The following SLC17A8 variants were observed in gnomAD, a reference collection of about 807,000 sequenced individuals.
SLC17A8 encodes the protein vesicular glutamate transporter 3.
SLC17A8 carries 31 observed loss-of-function variants against 58.0 expected under a neutral mutation model. The observed-to-expected ratio is 0.53, with a 90% CI of 0.40 to 0.72. The LOEUF (loss-of-function observed/expected upper bound fraction) is 0.72. Among genes scored for constraint, SLC17A8 ranks in the 30% least tolerant of loss-of-function variants. The pLI is 0.00. For synonymous variants in SLC17A8, 228 were observed against 249.0 expected (o/e 0.92, Z 0.79); for missense variants, 655 against 727.8 (o/e 0.90, Z 1.15).
intron 1 of SLC17A8, among the ~76,000 whole-genome samples, chr12:100,371,989 G>A (rs1952562069): frequency 1.3e-5 from 2 of 152,120 alleles, no homozygotes; most frequent in African/African-American, 4.8e-5. Flanking sequence ...AAACCTCGTG[G>A]AGTCCCTAGA....
intron 1 of SLC17A8, among the ~76,000 whole-genome samples, chr12:100,371,259 G>T (rs1160407731): frequency 6.6e-6 from 1 of 152,136 alleles, no homozygotes; most frequent in Admixed American, 6.5e-5. Flanking sequence ...GGGAACTCAG[G>T]TTGAGGGAAG....
chr12:100,395,563 G>A (rs1952747280), intron 4 of SLC17A8, among the ~76,000 whole-genome samples: 1 of 151,894 alleles, frequency 6.6e-6, no homozygotes, highest in South Asian at 2.1e-4. Flanking sequence ...TGACTTAGGT[G>A]ATCCGCCCAC....
chr12:100,402,267 G>A, intron 6 of SLC17A8, 73 bp from the exon 7 acceptor site: 1 of 1,568,424 alleles, frequency 6.4e-7, no homozygotes, highest in African/African-American at 1.4e-5. Context: ...AAATATATAT[G>A]GTAAAAATTG....
chr12:100,420,515 T>C lies in SLC17A8; in HGVS notation c.*356T>C, dbSNP rs1952941456. ...TGGCCAGAAGGAATGTAAACAGTAG[T>C]AGTAGCTGCCACCACATCTCTAGGG... On this transcript the variant is annotated 3_prime_UTR_variant, in exon 12 of 12. Coordinates refer to ENST00000323346, the MANE Select transcript of SLC17A8 (RefSeq NM_139319.3). 4.3e-6 allele frequency: 1 copy of C among 235,260 alleles called. No individual in the cohort carries two copies. Among genetic ancestry groups the C allele is most frequent in the South Asian group, 6.9e-5 (1 of 14,428 alleles). The allele number at this position is 235,260 out of a possible 1,614,324, so 14.6% of individuals were successfully genotyped here.
intron 2 of SLC17A8, among the ~76,000 whole-genome samples, chr12:100,390,787 A>G (rs114019929): frequency 0.023 from 3,480 of 152,024 alleles, 40 homozygotes; most frequent in Non-Finnish European, 0.028. Flanking sequence ...TCAGCCTCCT[A>G]AATAACTGGG....
intron 1 of SLC17A8, among the ~76,000 whole-genome samples, chr12:100,379,778 G>A (rs1050603389): frequency 1.1e-5 from 1 of 90,044 alleles, no homozygotes; most frequent in Non-Finnish European, 2.1e-5. Flanking sequence ...TCTACCATTT[G>A]AATAAAAGGT....
At position 100,420,073 on chromosome 12, in the gene SLC17A8, T is replaced by C; in HGVS notation, c.1684T>C (p.Trp562Arg). ...GAATTGTGAAGTCCAGAAGAAGGAA[T>C]GGAAAGGACAGAGAGGAGCGACCCT... ...SQNCEVQKKEWKGQRGATLDE... is the reference protein window; with the variant it reads ...SQNCEVQKKERKGQRGATLDE... Residue 562 changes from tryptophan (W) to arginine (R), a missense_variant, in exon 12 of 12, where the codon TGG becomes CGG. Physicochemically the swap from Trp to Arg is moderately radical, Grantham distance 101. Transcript: ENST00000323346. 3 of 1,614,096 alleles carry C rather than the reference T, an allele frequency of 1.9e-6. No homozygotes were observed. Among genetic ancestry groups the C allele is most frequent in the Non-Finnish European group, 2.5e-6 (3 of 1,180,006 alleles).
intron 2 of SLC17A8, among the ~76,000 whole-genome samples, chr12:100,383,772 T>C (rs1952653965): frequency 6.6e-6 from 1 of 152,004 alleles, no homozygotes; most frequent in Admixed American, 6.6e-5. Flanking sequence ...GGTGTGATCA[T>C]AGTTCACCGC....
intron 11 of SLC17A8, among the ~76,000 whole-genome samples, 186 bp from the exon 12 acceptor site, chr12:100,419,629 G>A (rs534718244): frequency 6.6e-6 from 1 of 151,826 alleles, no homozygotes; most frequent in Admixed American, 6.6e-5. Context: ...CATTTTTTAA[G>A]TTTTTCTTTT....
At chr12:100,407,560 G>A (rs1952835008) in intron 9 of SLC17A8, among the ~76,000 whole-genome samples, 1 of 151,802 alleles carries the variant, frequency 6.6e-6, no homozygotes, top group Admixed American at 6.6e-5. Flanking sequence ...CTCTTCACAT[G>A]GCTTTTCATG....
chr12:100,414,461 A>C (rs111703896), intron 10 of SLC17A8, among the ~76,000 whole-genome samples: 64 of 152,330 alleles, frequency 4.2e-4, no homozygotes, highest in African/African-American at 1.5e-3. Context: ...TAAAATAAAA[A>C]ATTTGCTAAA....
intron 1 of SLC17A8, among the ~76,000 whole-genome samples, chr12:100,379,876 C>T (rs1027627360): frequency 6.6e-6 from 1 of 152,052 alleles, no homozygotes; most frequent in Non-Finnish European, 1.5e-5. Flanking sequence ...AAATGTCCCT[C>T]TCCACCTCCA....
intron 11 of SLC17A8, among the ~76,000 whole-genome samples, chr12:100,419,234 A>T (rs1952929460): frequency 6.6e-6 from 1 of 152,192 alleles, no homozygotes; most frequent in South Asian, 2.1e-4. Context: ...TGCTGCAGGT[A>T]TTAATATTTG....
At chr12:100,363,104 G>T (rs1952495441) in intron 1 of SLC17A8, among the ~76,000 whole-genome samples, 1 of 152,092 alleles carries the variant, frequency 6.6e-6, no homozygotes, top group Non-Finnish European at 1.5e-5. Context: ...ATGTCTTCTG[G>T]TCTTGGCACG....
At chr12:100,396,260 G>A in intron 4 of SLC17A8, 70 bp from the exon 5 acceptor site, 1 of 1,192,816 alleles carries the variant, frequency 8.4e-7, no homozygotes, top group Non-Finnish European at 1.3e-6. Flanking sequence ...TGAAGAAGCA[G>A]CATCCATATT....
chr12:100,405,546 G>C (rs1952820840), intron 9 of SLC17A8, among the ~76,000 whole-genome samples: 1 of 152,064 alleles, frequency 6.6e-6, no homozygotes, highest in Non-Finnish European at 1.5e-5. Context: ...GAGTCAGAGT[G>C]ATGCAGCCAC....
At chr12:100,388,163 A>C (rs1295157032) in intron 2 of SLC17A8, among the ~76,000 whole-genome samples, 1 of 152,132 alleles carries the variant, frequency 6.6e-6, no homozygotes, top group Non-Finnish European at 1.5e-5. Flanking sequence ...TGACCATATG[A>C]CTTGCTCCCT....
chr12:100,362,916 A>G (rs1025918511), intron 1 of SLC17A8, among the ~76,000 whole-genome samples: 1 of 152,064 alleles, frequency 6.6e-6, no homozygotes, highest in African/African-American at 2.4e-5. Context: ...TCACCAGGTC[A>G]TGGTTGCTGT....
Position 100,420,388 on chromosome 12 carries a change from C to G in SLC17A8, c.*229C>G, listed in dbSNP as rs928764301. Reference sequence around the variant, plus strand: ...ACATATTTTTTGAATTGACAGTTGACCCTTCTCTCAAAGAGCTAAACTTAT... The same window carrying G: ...ACATATTTTTTGAATTGACAGTTGAGCCTTCTCTCAAAGAGCTAAACTTAT... On this transcript the variant is annotated 3_prime_UTR_variant, in exon 12 of 12. Coordinates refer to ENST00000323346, the MANE Select transcript of SLC17A8 (RefSeq NM_139319.3). 9.9e-6 allele frequency: 5 copies of G among 507,366 alleles called. No individual in the cohort carries two copies. Among genetic ancestry groups the G allele is most frequent in the Non-Finnish European group, 1.4e-5 (4 of 282,852 alleles). The allele number at this position is 507,366 out of a possible 1,614,324, so 31.4% of individuals were successfully genotyped here.
Sources: allele counts gnomAD v4.1 joint callset (sites outside exome capture counted in the v4.1 genomes callset), GRCh38; gene constraint gnomAD v4.1.1; transcripts MANE v1.5; gene names NCBI Gene and HGNC (gene_info 2026-07-23, HGNC 2026-07-21).